BDKRB2: variants seen among roughly 807,000 people sequenced by gnomAD.
BDKRB2 encodes the protein bradykinin receptor B2.
Under a neutral mutation model 4.0 loss-of-function variants are expected in BDKRB2, and 6 were observed. That is an observed-to-expected ratio of 1.49 (90% CI 0.81 to 2.93). The LOEUF (loss-of-function observed/expected upper bound fraction) is 2.93, where lower values mean the gene tolerates loss of function less well. Ranked by LOEUF, BDKRB2 falls within the 30% of genes most tolerant of loss-of-function variation. BDKRB2 has a pLI of 0.00. For synonymous variants in BDKRB2, 225 were observed against 215.3 expected, an observed-to-expected ratio of 1.05 and a Z score of -0.40; for missense variants, 478 against 520.1, an observed-to-expected ratio of 0.92 and a Z score of 0.79.
chr14:96,234,606 T>A (rs1254078553), intron 1 of BDKRB2, among the ~76,000 whole-genome samples: 3 of 152,216 alleles, frequency 2.0e-5, no homozygotes, highest in East Asian at 1.9e-4. Context: ...AGAAAACAAC[T>A]CAGTAGACTT....
chr14:96,206,459 G>A (rs377422653), intron 1 of BDKRB2, among the ~76,000 whole-genome samples: 2 of 152,148 alleles, frequency 1.3e-5, no homozygotes, highest in Non-Finnish European at 2.9e-5. Context: ...CTTGCAAACG[G>A]GGAGGTTCCC....
chr14:96,229,594 A>T (rs933196561), intron 1 of BDKRB2, among the ~76,000 whole-genome samples: 2 of 152,136 alleles, frequency 1.3e-5, no homozygotes, highest in African/African-American at 4.8e-5. Flanking sequence ...CACCAAGATT[A>T]GCTTGAAATG....
rs377705294 is a variant in BDKRB2 at position 96,237,159 on chromosome 14, G to A, written c.52G>A (p.Val18Met). Residue 18 changes from valine to methionine, a missense_variant, in exon 2 of 3, where the codon GTG becomes ATG. Coordinates refer to ENST00000554311, the MANE Select transcript of BDKRB2 (RefSeq NM_001379692.1). ...SMFLSVREDS[V>M]PTTASFSADM... ...GTTTCTGTCTGTTCGTGAGGACTCC[G>A]TGCCCACCACGGCCTCTTTCAGGTG... The A allele has an allele frequency of 9.9e-6, 16 of 1,613,818 alleles. No individual in the cohort carries two copies. The highest frequency in any genetic ancestry group is 1.3e-5 in the African/African-American group (1 of 74,920).
At chr14:96,239,941 T>A in intron 2 of BDKRB2, 1 of 986,528 alleles carries the variant, frequency 1.0e-6, no homozygotes, top group South Asian at 4.7e-5. Flanking sequence ...CAAGCCAGAC[T>A]GGAATCTCCA....
At position 96,243,257 on chromosome 14, in the gene BDKRB2, G is replaced by T. The variant is rs201156230; in HGVS notation, c.*1753G>T. Reference sequence around the variant, plus strand: ...ACCTGGAGAGCTAGAACCTAGAAGGGCTAGAACCTGGAGGGCTGGAATCTG... The same window carrying T: ...ACCTGGAGAGCTAGAACCTAGAAGGTCTAGAACCTGGAGGGCTGGAATCTG... On this transcript the variant is annotated 3_prime_UTR_variant, in exon 3 of 3. Coordinates refer to ENST00000554311, the MANE Select transcript of BDKRB2 (RefSeq NM_001379692.1). 1 of 148,708 alleles carries T rather than the reference G, an allele frequency of 6.7e-6. No individual in the cohort carries two copies. 9.2% of individuals were successfully genotyped at this position (148,708 alleles called of 1,614,324 possible). A position where few individuals can be genotyped will look rare whatever the true frequency, so the allele number is the denominator to read the frequency against.
At chr14:96,213,158 G>T (rs1466294857) in intron 1 of BDKRB2, among the ~76,000 whole-genome samples, 2 of 152,142 alleles carry the variant, frequency 1.3e-5, no homozygotes, top group South Asian at 4.1e-4. Context: ...CTACTGCTGT[G>T]CCAACACAAT....
intron 2 of BDKRB2, 82 bp downstream of exon 2, chr14:96,237,263 C>A: frequency 1.5e-6 from 2 of 1,296,574 alleles, no homozygotes; most frequent in East Asian, 2.3e-5. Context: ...GCTCAACTCT[C>A]ATGCCCCGGA....
chr14:96,217,863 T>A (rs1219401966), intron 1 of BDKRB2, among the ~76,000 whole-genome samples: 1 of 151,430 alleles, frequency 6.6e-6, no homozygotes, highest in African/African-American at 2.5e-5. Flanking sequence ...GGCTCCAGAC[T>A]CCTCCAACCA....
At chr14:96,238,581 C>T (rs1260889564) in intron 2 of BDKRB2, 3 of 985,622 alleles carry the variant, frequency 3.0e-6, no homozygotes, top group African/African-American at 1.7e-5. Context: ...ACGCTTACTC[C>T]CTCACTCAAC....
At chr14:96,237,697 C>T in intron 2 of BDKRB2, 7 of 1,288,696 alleles carry the variant, frequency 5.4e-6, no homozygotes, top group Non-Finnish European at 7.1e-6. Context: ...TCCACTCCAA[C>T]CTCTCCACCC....
rs138939721 is a variant in BDKRB2, at chr14:96,206,289, G to A, written c.-40+1330G>A. ...AGGAAGCATGCGTGCTGTCCCCACAGGCAGCACCCCAGGCCTCATCCCAGC... is the reference window on the plus strand; with the variant it reads ...AGGAAGCATGCGTGCTGTCCCCACAAGCAGCACCCCAGGCCTCATCCCAGC... On this transcript the variant is annotated intron_variant, in intron 1 of 2. Transcript: ENST00000554311. Among the ~76,000 whole-genome samples the A allele has an allele frequency of 4.3e-3, 648 of 152,218 alleles. 4 individuals are homozygous for A. The highest frequency in any genetic ancestry group is 0.015 in the African/African-American group (612 of 41,530).
rs1322824322 is a variant in BDKRB2 at position 96,243,410 on chromosome 14, C to G, written c.*1906C>G. 1 of 151,010 alleles carries G rather than the reference C, an allele frequency of 6.6e-6. No individual in the cohort carries two copies. Among genetic ancestry groups the G allele is most frequent in the Non-Finnish European group, 1.5e-5 (1 of 68,462 alleles). 9.4% of individuals were successfully genotyped at this position (151,010 alleles called of 1,614,324 possible). The stretch of plus-strand genomic sequence containing the variant: ...CCTGGAGGGCTAGAACCTAGAAGGG[C>G]TAGAACCTGGAGGGCTAGAACCTGG... On this transcript the variant is annotated 3_prime_UTR_variant, in exon 3 of 3. Transcript: ENST00000554311.
intron 1 of BDKRB2, among the ~76,000 whole-genome samples, chr14:96,222,479 C>T (rs935570710): frequency 1.3e-5 from 2 of 152,020 alleles, no homozygotes; most frequent in Non-Finnish European, 2.9e-5. Flanking sequence ...CAGCCACCAC[C>T]AAGAGCCACC....
rs575404173 is a variant in BDKRB2 at position 96,209,259 on chromosome 14, A to G, written c.-40+4300A>G. On this transcript the variant is annotated intron_variant, in intron 1 of 2. Coordinates refer to ENST00000554311, the MANE Select transcript of BDKRB2 (RefSeq NM_001379692.1). ...ATCGAGTTGATAAACTTCAATTGAC[A>G]TTTATCGAGAGTTTGAGGGTGCACC... Among the ~76,000 whole-genome samples the G allele has an allele frequency of 2.0e-5, 3 of 152,184 alleles. No individual in the cohort carries two copies. The South Asian group carries it at 6.2e-4, about 32-fold the overall frequency.
chr14:96,222,961 C>T (rs951868423), intron 1 of BDKRB2: 9 of 566,054 alleles, frequency 1.6e-5, no homozygotes, highest in Admixed American at 6.5e-5. Flanking sequence ...TGGACATCAC[C>T]GACCGCTCTA....
In BDKRB2 at chr14:96,214,082, G is replaced by A. The variant is rs528188000; in HGVS notation, c.-40+9123G>A. 3.9e-5 allele frequency among the ~76,000 whole-genome samples: 6 copies of A among 152,270 alleles called. No homozygotes were observed. The South Asian group carries it at 1.2e-3, about 32-fold the overall frequency. On this transcript the variant is annotated intron_variant, in intron 1 of 2. Coordinates refer to ENST00000554311, the MANE Select transcript of BDKRB2 (RefSeq NM_001379692.1). Reference sequence around the variant, plus strand: ...CCTTGCCTGGGCCTCCCCATGGTGGGCGGTGATCCAAAAGCCCCAGTCAGA... The same window carrying A: ...CCTTGCCTGGGCCTCCCCATGGTGGACGGTGATCCAAAAGCCCCAGTCAGA...
At chr14:96,227,065 T>C (rs780546078) in intron 1 of BDKRB2, among the ~76,000 whole-genome samples, 1 of 152,174 alleles carries the variant, frequency 6.6e-6, no homozygotes, top group Non-Finnish European at 1.5e-5. Context: ...AGGCTGGCAT[T>C]GCCTTGCCGT....
At chr14:96,228,498 C>G (rs1253377079) in intron 1 of BDKRB2, among the ~76,000 whole-genome samples, 1 of 152,144 alleles carries the variant, frequency 6.6e-6, no homozygotes, top group African/African-American at 2.4e-5. Context: ...TGGGAAGGTA[C>G]TCTTCCAGAT....
In BDKRB2 at chr14:96,237,747, C is replaced by T. The variant is rs888325870; in HGVS notation, c.74+566C>T. On this transcript the variant is annotated intron_variant, in intron 2 of 2. Transcript: ENST00000554311. ...CCTATGATGAAGATGAGCAGATGGC[C>T]ATCTCAGCTGGGGCCACAGTGCACT... The T allele has an allele frequency of 7.8e-6, 10 of 1,289,762 alleles. No individual in the cohort carries two copies. The Admixed American group carries it at 2.1e-4, about 27-fold the overall frequency. 79.9% of individuals were successfully genotyped at this position (1,289,762 alleles called of 1,614,324 possible).
Sources: allele counts gnomAD v4.1 joint callset (sites outside exome capture counted in the v4.1 genomes callset), GRCh38; gene constraint gnomAD v4.1.1; transcripts MANE v1.5; gene names NCBI Gene and HGNC (gene_info 2026-07-23, HGNC 2026-07-21).